Variants in AGFG1 observed in about 807,000 individuals in gnomAD.
AGFG1 encodes arf-GAP domain and FG repeat-containing protein 1.
A neutral mutation model predicts 60.6 loss-of-function variants in AGFG1; 10 were observed. The ratio of observed to expected loss-of-function variants is 0.16; its 90% CI spans 0.10 to 0.28. AGFG1 has a LOEUF of 0.28. Ranked by LOEUF, AGFG1 falls within the 10% of genes least tolerant of loss-of-function variation. The probability of loss-of-function intolerance (pLI) is 1.00; values close to 1 mark genes in which losing one functional copy is unlikely to be tolerated. For missense variants in AGFG1, 537 were observed against 676.5 expected (o/e 0.79, Z 2.29); for synonymous variants, 247 against 242.9 (o/e 1.02, Z -0.16).
intron 1 of AGFG1, among the ~76,000 whole-genome samples, chr2:227,473,128 C>G (rs1444774369): frequency 1.3e-5 from 2 of 152,068 alleles, no homozygotes; most frequent in South Asian, 4.2e-4. Flanking sequence ...CTGCCTCGCC[C>G]GTGCCTTTTT....
At chr2:227,550,017 TATAA>T (rs1285839979) in intron 10 of AGFG1, 1 of 437,132 alleles carries the variant, frequency 2.3e-6, no homozygotes, top group African/African-American at 2.1e-5. Flanking sequence ...AATAGTTATC[TATAA>T]ATTAATTGAC....
chr2:227,532,210 G>C (rs1273239636), intron 6 of AGFG1: 1 of 1,543,532 alleles, frequency 6.5e-7, no homozygotes, highest in African/African-American at 1.4e-5. Flanking sequence ...GCTACCCACA[G>C]TAAGTTCTGT....
intron 10 of AGFG1, chr2:227,550,010 A>G (rs1433705800): frequency 2.3e-6 from 1 of 437,702 alleles, no homozygotes; most frequent in Non-Finnish European, 4.7e-6. Flanking sequence ...TTTTAACAAT[A>G]GTTATCTATA....
In AGFG1 at chr2:227,536,925, T is replaced by TTGC. The variant is rs1213886410; in HGVS notation, c.1319_1321dup (p.Ala440dup). 6.2e-7 allele frequency: 1 copy of TTGC among 1,612,850 alleles called. No homozygotes were observed. Among genetic ancestry groups the TTGC allele is most frequent in the East Asian group, 2.2e-5 (1 of 44,864 alleles). On this transcript the variant is annotated inframe_insertion, in exon 10 of 13. Transcript: ENST00000310078. ...GCTACGCCTTCCACAAATCCATTTG[T>TTGC]TGCTGCTGCTGGTCCTTCTGTGGCA...
intron 2 of AGFG1, among the ~76,000 whole-genome samples, chr2:227,517,191 C>A (rs182909485): frequency 6.6e-6 from 1 of 152,298 alleles, no homozygotes; most frequent in African/African-American, 2.4e-5. Flanking sequence ...CTAGTTCTCA[C>A]TCGTTTTAAC....
intron 6 of AGFG1, 76 bp downstream of exon 6, chr2:227,531,286 A>C (rs1692150972): frequency 6.7e-7 from 1 of 1,493,766 alleles, no homozygotes. Context: ...TTGAAAAATT[A>C]GTCTAAACTT....
chr2:227,472,379 C>G lies in AGFG1; in HGVS notation c.-43C>G. The G allele has an allele frequency of 7.9e-7, 1 of 1,270,640 alleles. No homozygotes were observed. Among genetic ancestry groups the G allele is most frequent in the Non-Finnish European group, 1.0e-6 (1 of 988,680 alleles). 78.7% of individuals were successfully genotyped at this position (1,270,640 alleles called of 1,614,324 possible). ...CCGCGGGCCCCCGGCGCAGCGCTGC[C>G]CGGCTCCCGGCCCTGCCGGCCTCCT... On this transcript the variant is annotated 5_prime_UTR_variant, in exon 1 of 13. Coordinates refer to ENST00000310078, the MANE Select transcript of AGFG1 (RefSeq NM_004504.5).
chr2:227,542,512 C>T (rs886978631), intron 10 of AGFG1, among the ~76,000 whole-genome samples: 16 of 152,184 alleles, frequency 1.1e-4, no homozygotes, highest in African/African-American at 3.4e-4. Context: ...GTGAAGCCAG[C>T]TTGATCATGG....
intron 1 of AGFG1, among the ~76,000 whole-genome samples, chr2:227,481,189 G>A (rs1262315677): frequency 6.8e-6 from 1 of 146,132 alleles, no homozygotes; most frequent in Non-Finnish European, 1.5e-5. Flanking sequence ...CTTTTTTGGG[G>A]AATATAAAAG....
At position 227,553,764 on chromosome 2, in the gene AGFG1, C is replaced by T. The variant is rs779660726; in HGVS notation, c.1598C>T (p.Ala533Val). The part of the protein sequence containing the change: ...KPVVTPFGQV[A>V]AAGVSSNPFM... Reference sequence around the variant, plus strand: ...GTAGTAACCCCTTTTGGTCAAGTTGCAGCTGCTGGAGTATCTAGTAATCCT... The same window carrying T: ...GTAGTAACCCCTTTTGGTCAAGTTGTAGCTGCTGGAGTATCTAGTAATCCT... The change falls in exon 12 of 13, where the codon GCA becomes GTA. Residue 533 changes from alanine to valine, a missense_variant. By Grantham distance (64) the Ala-to-Val change is moderately conservative (BLOSUM62 0). This residue lies in a region of AGFG1 where 28 missense variants were observed against 51.5 expected (regional missense o/e 0.54). Transcript: ENST00000310078. 1 of 1,613,730 alleles carries T rather than the reference C, an allele frequency of 6.2e-7. No individual in the cohort carries two copies. Among genetic ancestry groups the T allele is most frequent in the South Asian group, 1.1e-5 (1 of 91,048 alleles).
At chr2:227,541,337 T>C (rs1692487134) in intron 10 of AGFG1, among the ~76,000 whole-genome samples, 1 of 152,220 alleles carries the variant, frequency 6.6e-6, no homozygotes, top group Non-Finnish European at 1.5e-5. Context: ...GGTCTAACAC[T>C]TAAGTCTTTA....
chr2:227,485,086 GATTC>G (rs1690585966), intron 1 of AGFG1, among the ~76,000 whole-genome samples: 1 of 151,906 alleles, frequency 6.6e-6, no homozygotes, highest in Non-Finnish European at 1.5e-5. Flanking sequence ...AGCTTTGCTG[GATTC>G]ACAAGTTATT....
chr2:227,551,305 A>G (rs901411900), intron 10 of AGFG1, among the ~76,000 whole-genome samples: 9 of 152,086 alleles, frequency 5.9e-5, no homozygotes, highest in Admixed American at 1.3e-4. Flanking sequence ...TTTACCTTCC[A>G]TAAGAGGGTG....
At chr2:227,485,243 CTTTTT>C (rs71036201) in intron 1 of AGFG1, among the ~76,000 whole-genome samples, 18 of 110,540 alleles carry the variant, frequency 1.6e-4, no homozygotes, top group Non-Finnish European at 2.2e-4. Flanking sequence ...CGAATCGTTT[CTTTTT>C]TTTTTTTTTT....
chr2:227,526,419 A>ATTTTTATTTTTTTTTTTTTT (rs1186978139), intron 5 of AGFG1, among the ~76,000 whole-genome samples: 1 of 139,440 alleles, frequency 7.2e-6, no homozygotes, highest in African/African-American at 2.9e-5. Context: ...TTTATTTTTA[A>ATTTTTATTTTTTTTTTTTTT]TGGAGATGGG....
chr2:227,541,834 A>C (rs1252985072), intron 10 of AGFG1, among the ~76,000 whole-genome samples: 1 of 152,152 alleles, frequency 6.6e-6, no homozygotes, highest in Non-Finnish European at 1.5e-5. Flanking sequence ...ATGAGCATGG[A>C]ATGTTCTTCC....
At position 227,549,493 on chromosome 2, in the gene AGFG1, T is replaced by C. The variant is rs373466066; in HGVS notation, c.1379-2466T>C. Among the ~76,000 whole-genome samples, 9 of 152,356 alleles carry C rather than the reference T, an allele frequency of 5.9e-5. No homozygotes were observed. The East Asian group carries it at 1.5e-3, about 26-fold the overall frequency. The stretch of plus-strand genomic sequence containing the variant: ...TTTTTTCTCTCTTCTTTTCAGCCAT[T>C]GTATTTTAACCTGTAAATACCGCTT... On this transcript the variant is annotated intron_variant, in intron 10 of 12. Coordinates refer to ENST00000310078, the MANE Select transcript of AGFG1 (RefSeq NM_004504.5).
At chr2:227,538,854 A>T (rs931737505) in intron 10 of AGFG1, among the ~76,000 whole-genome samples, 1 of 152,228 alleles carries the variant, frequency 6.6e-6, no homozygotes, top group Admixed American at 6.5e-5. Flanking sequence ...CAGATGATAT[A>T]AGATAATTCT....
intron 5 of AGFG1, among the ~76,000 whole-genome samples, chr2:227,530,599 T>C (rs1692127893): frequency 6.6e-6 from 1 of 152,262 alleles, no homozygotes; most frequent in East Asian, 1.9e-4. Context: ...TATATGACCA[T>C]GGTGAGACAT....
Sources: allele counts gnomAD v4.1 joint callset (sites outside exome capture counted in the v4.1 genomes callset), GRCh38; gene constraint gnomAD v4.1.1; regional missense constraint gnomAD v4.1.1; transcripts MANE v1.5; gene names NCBI Gene and HGNC (gene_info 2026-07-23, HGNC 2026-07-21).